The following LGSN variants were observed in gnomAD, a reference collection of about 807,000 sequenced individuals.
LGSN encodes lengsin, lens protein with glutamine synthetase domain.
Under a neutral mutation model 19.5 loss-of-function variants are expected in LGSN, and 21 were observed. The observed-to-expected ratio is 1.07, with a 90% CI of 0.76 to 1.55. LGSN has a LOEUF of 1.55. Ranked by LOEUF, LGSN falls within the 40% of genes most tolerant of loss-of-function variation. LGSN has a pLI of 0.00. For synonymous variants in LGSN, 257 were observed against 215.6 expected (o/e 1.19, Z -1.68); for missense variants, 673 against 608.5 (o/e 1.11, Z -1.12).
the LGSN span, among the ~76,000 whole-genome samples, chr6:63,529,521 C>T: frequency 6.6e-6 from 1 of 152,136 alleles, no homozygotes; most frequent in East Asian, 1.9e-4. Context: ...AACAACCTAG[C>T]CTTCCTTTTC....
the LGSN span, among the ~76,000 whole-genome samples, chr6:63,458,792 G>A: frequency 6.6e-6 from 1 of 152,198 alleles, no homozygotes; most frequent in African/African-American, 2.4e-5. Context: ...TTGTGACACT[G>A]AAATCAGTAA....
chr6:63,507,078 T>TGAATG, the LGSN span, among the ~76,000 whole-genome samples: 1 of 152,178 alleles, frequency 6.6e-6, no homozygotes, highest in Admixed American at 6.5e-5. Context: ...CTATACAAAG[T>TGAATG]ACATTTCTCT....
the LGSN span, among the ~76,000 whole-genome samples, chr6:63,427,091 C>A: frequency 1.3e-5 from 2 of 150,352 alleles, no homozygotes; most frequent in Non-Finnish European, 3.0e-5. Context: ...TTCTTGTTAC[C>A]CAGGAGTACA....
the LGSN span, among the ~76,000 whole-genome samples, chr6:63,543,268 C>A: frequency 6.6e-6 from 1 of 152,210 alleles, no homozygotes; most frequent in African/African-American, 2.4e-5. Context: ...ATTCTGTGAT[C>A]ATTCAGACGT....
chr6:63,320,340 C>A (rs1474193243), upstream of LGSN, among the ~76,000 whole-genome samples: 1 of 152,100 alleles, frequency 6.6e-6, no homozygotes, highest in Non-Finnish European at 1.5e-5. Context: ...GCTATCAAAG[C>A]CCACAGACAA....
chr6:63,313,593 G>A (rs1768715539), intron 1 of LGSN, among the ~76,000 whole-genome samples: 1 of 152,126 alleles, frequency 6.6e-6, no homozygotes, highest in African/African-American at 2.4e-5. Flanking sequence ...TCAGCACTTT[G>A]GGAGGCCAAG....
chr6:63,286,578 T>C (rs369632816), intron 2 of LGSN, among the ~76,000 whole-genome samples: 6 of 152,278 alleles, frequency 3.9e-5, no homozygotes, highest in Admixed American at 1.3e-4. Context: ...CACTGCAGAA[T>C]TGAAACTAGA....
chr6:63,504,998 T>TAAAATTA, the LGSN span, among the ~76,000 whole-genome samples: 4 of 152,304 alleles, frequency 2.6e-5, 1 homozygote, highest in South Asian at 6.2e-4. Flanking sequence ...TGGTGTCACC[T>TAAAATTA]AAAATTAGTA....
At chr6:63,320,464 A>G (rs148778742), upstream of LGSN, among the ~76,000 whole-genome samples, 8 of 152,250 alleles carry the variant, frequency 5.3e-5, no homozygotes, top group East Asian at 9.6e-4. Flanking sequence ...CTGGCCTCCA[A>G]ATTAATTCTG....
intron 1 of LGSN, among the ~76,000 whole-genome samples, chr6:63,310,501 A>G (rs1007405257): frequency 1.1e-4 from 16 of 152,130 alleles, no homozygotes; most frequent in Non-Finnish European, 2.1e-4. Context: ...CAATTTTTAT[A>G]TATACAATAT....
the LGSN span, among the ~76,000 whole-genome samples, chr6:63,464,131 G>T: frequency 4.2e-5 from 6 of 143,690 alleles, no homozygotes; most frequent in East Asian, 1.3e-3. Context: ...GTCCATTTTT[G>T]AAACTTTCCC....
At chr6:63,515,773 G>C in the LGSN span, among the ~76,000 whole-genome samples, 1 of 151,980 alleles carries the variant, frequency 6.6e-6, no homozygotes, top group Non-Finnish European at 1.5e-5. Flanking sequence ...CTAAGGAAAA[G>C]AACAACAAAT....
chr6:63,298,687 A>C (rs1365853204), intron 1 of LGSN, among the ~76,000 whole-genome samples: 1 of 152,192 alleles, frequency 6.6e-6, no homozygotes, highest in Non-Finnish European at 1.5e-5. Context: ...ACAAGCTGCA[A>C]GTACTTACAA....
intron 1 of LGSN, among the ~76,000 whole-genome samples, chr6:63,308,103 T>G (rs1028417132): frequency 7.2e-5 from 11 of 152,230 alleles, no homozygotes; most frequent in Admixed American, 3.9e-4. Context: ...AGATATGCAG[T>G]TTCATTTTGA....
chr6:63,437,827 G>A, the LGSN span, among the ~76,000 whole-genome samples: 1 of 152,164 alleles, frequency 6.6e-6, no homozygotes. Flanking sequence ...CTACTTGGGA[G>A]GCTGAGGCAG....
At chr6:63,563,285 C>T in the LGSN span, among the ~76,000 whole-genome samples, 2 of 152,214 alleles carry the variant, frequency 1.3e-5, no homozygotes, top group Non-Finnish European at 2.9e-5. Context: ...CAAGGTCCTA[C>T]GTGATCCAGT....
chr6:63,397,465 A>C, the LGSN span, among the ~76,000 whole-genome samples: 7 of 150,066 alleles, frequency 4.7e-5, no homozygotes, highest in Non-Finnish European at 5.9e-5. Flanking sequence ...AAAAAAAAAA[A>C]ACACATAAGG....
intron 1 of LGSN, among the ~76,000 whole-genome samples, chr6:63,298,343 A>T (rs1768058685): frequency 6.6e-6 from 1 of 152,238 alleles, no homozygotes; most frequent in Admixed American, 6.5e-5. Flanking sequence ...TACAGAAGTC[A>T]TGACAGACAC....
the LGSN span, among the ~76,000 whole-genome samples, chr6:63,561,888 G>A: frequency 2.2e-4 from 34 of 152,166 alleles, no homozygotes; most frequent in African/African-American, 8.2e-4. Flanking sequence ...AGGATAACCT[G>A]GTGCTTCTAT....
Sources: allele counts gnomAD v4.1 joint callset (sites outside exome capture counted in the v4.1 genomes callset), GRCh38; gene constraint gnomAD v4.1.1; transcripts MANE v1.5; gene names NCBI Gene and HGNC (gene_info 2026-07-23, HGNC 2026-07-21).